TAF3: variants seen among roughly 807,000 people sequenced by gnomAD.
TAF3 encodes the protein TATA-box binding protein associated factor 3.
TAF3 carries 7 observed loss-of-function variants against 80.6 expected under a neutral mutation model. The ratio of observed to expected loss-of-function variants is 0.09; its 90% CI spans 0.05 to 0.16. The LOEUF (loss-of-function observed/expected upper bound fraction) is 0.16. TAF3 is among the 10% of genes least tolerant of loss of function. The probability of loss-of-function intolerance (pLI) is 1.00; values close to 1 mark genes in which losing one functional copy is unlikely to be tolerated. For missense variants in TAF3, 921 were observed against 1,140.2 expected (o/e 0.81, Z 2.77); for synonymous variants, 444 against 446.1 (o/e 1.00, Z 0.06).
At chr10:7,961,568 C>T (rs1838190009) in intron 2 of TAF3, among the ~76,000 whole-genome samples, 1 of 152,114 alleles carries the variant, frequency 6.6e-6, no homozygotes, top group Admixed American at 6.5e-5. Flanking sequence ...TATAGGTATT[C>T]CTCAAAATAC....
rs2131441611 is a variant in TAF3 at position 8,009,555 on chromosome 10, A to C, written c.2568+225A>C. Reference sequence around the variant, plus strand: ...TCCTGGGCCCAAGCGATCCTCCTGCATTAGCTTCTCAAAGTGGTGGGGTTA... The same window carrying C: ...TCCTGGGCCCAAGCGATCCTCCTGCCTTAGCTTCTCAAAGTGGTGGGGTTA... On this transcript the variant is annotated intron_variant, in intron 5 of 6. Coordinates refer to ENST00000344293, the MANE Select transcript of TAF3 (RefSeq NM_031923.4). This position sits in a 1 kb window ranked among gnomAD's most constrained non-coding sequence, Gnocchi z 4.1. Among the ~76,000 whole-genome samples the C allele has an allele frequency of 6.6e-6, 1 of 151,868 alleles. No homozygotes were observed. Among genetic ancestry groups the C allele is most frequent in the South Asian group, 2.1e-4 (1 of 4,806 alleles).
At chr10:7,933,960 C>T (rs186185124) in intron 2 of TAF3, among the ~76,000 whole-genome samples, 52 of 152,250 alleles carry the variant, frequency 3.4e-4, no homozygotes, top group Middle Eastern at 3.4e-3. Context: ...TGGTCGTCAC[C>T]GCCTGCACAC....
At chr10:7,910,607 C>T (rs1316579380) in intron 2 of TAF3, among the ~76,000 whole-genome samples, 2 of 152,178 alleles carry the variant, frequency 1.3e-5, no homozygotes, top group Non-Finnish European at 2.9e-5. Context: ...TCTCCAACTC[C>T]TGACCTCAAA....
Position 7,884,706 on chromosome 10 carries a change from A to G in TAF3, c.409+60146A>G, listed in dbSNP as rs116476268. Among the ~76,000 whole-genome samples the G allele has an allele frequency of 4.7e-3, 710 of 152,208 alleles. 6 individuals carry two copies. The highest frequency in any genetic ancestry group is 0.016 in the African/African-American group (680 of 41,544). ...CCTGGCCTGCCTCCTTTTTTTGAAG[A>G]ATAGAGTCTAGAATCCAGGGCACTA... is the stretch of plus-strand genomic sequence containing the variant. On this transcript the variant is annotated intron_variant, in intron 2 of 6. Transcript: ENST00000344293.
intron 2 of TAF3, among the ~76,000 whole-genome samples, chr10:7,898,113 C>T (rs575588109): frequency 6.6e-6 from 1 of 152,196 alleles, no homozygotes; most frequent in East Asian, 1.9e-4. Flanking sequence ...TCTGTATCAA[C>T]TGGTATGCTT....
intron 3 of TAF3, among the ~76,000 whole-genome samples, chr10:7,970,300 C>T (rs866486782): frequency 1.3e-5 from 2 of 152,220 alleles, no homozygotes; most frequent in African/African-American, 4.8e-5. Context: ...TAGCATCTAC[C>T]ACCTCTTGAG....
intron 4 of TAF3, among the ~76,000 whole-genome samples, chr10:8,001,644 G>T (rs142806406): frequency 6.6e-6 from 1 of 152,048 alleles, no homozygotes; most frequent in Non-Finnish European, 1.5e-5. Context: ...TAGAAATTGT[G>T]TCCTACCCCA....
At chr10:7,951,775 G>A (rs916449247) in intron 2 of TAF3, among the ~76,000 whole-genome samples, 26 of 152,192 alleles carry the variant, frequency 1.7e-4, no homozygotes, top group African/African-American at 6.3e-4. Flanking sequence ...AAGCCAAAGA[G>A]GTAGTACTTT....
At chr10:7,878,536 A>T (rs1232137678) in intron 2 of TAF3, among the ~76,000 whole-genome samples, 1 of 152,160 alleles carries the variant, frequency 6.6e-6, no homozygotes, top group Non-Finnish European at 1.5e-5. Flanking sequence ...ATCAGGCCAC[A>T]CACTTAGGGT....
At chr10:7,852,339 TGTTTTTTGAATTAG>T (rs2131126712) in intron 2 of TAF3, among the ~76,000 whole-genome samples, 1 of 152,382 alleles carries the variant, frequency 6.6e-6, no homozygotes, top group South Asian at 2.1e-4. Flanking sequence ...TATTATGTAC[TGTTTTTTGAATTAG>T]GGTCCAAATA....
intron 2 of TAF3, among the ~76,000 whole-genome samples, chr10:7,929,558 C>T (rs182522649): frequency 7.5e-4 from 114 of 151,960 alleles, no homozygotes; most frequent in Non-Finnish European, 1.0e-3. Context: ...CCACCACACC[C>T]GGCTAATTTT....
At chr10:7,936,307 T>C (rs1296462039) in intron 2 of TAF3, among the ~76,000 whole-genome samples, 1 of 152,170 alleles carries the variant, frequency 6.6e-6, no homozygotes, top group African/African-American at 2.4e-5. Flanking sequence ...CTAGGCATTG[T>C]GGGGTCTGTC....
intron 3 of TAF3, among the ~76,000 whole-genome samples, chr10:7,970,880 A>G (rs1025763452): frequency 1.3e-5 from 2 of 152,206 alleles, no homozygotes; most frequent in African/African-American, 4.8e-5. Context: ...TCTTTTGTTT[A>G]AAGTAATGTA....
intron 2 of TAF3, among the ~76,000 whole-genome samples, chr10:7,848,188 T>C (rs986246796): frequency 2.0e-5 from 3 of 152,266 alleles, no homozygotes; most frequent in Non-Finnish European, 4.4e-5. Context: ...GTACTAGCTA[T>C]TCTTCCTGAT....
intron 2 of TAF3, among the ~76,000 whole-genome samples, chr10:7,861,842 T>G (rs1837151513): frequency 6.6e-6 from 1 of 152,196 alleles, no homozygotes; most frequent in African/African-American, 2.4e-5. Context: ...TGTATTTATG[T>G]CTTTTTCCAA....
intron 2 of TAF3, among the ~76,000 whole-genome samples, chr10:7,855,713 A>G (rs895459894): frequency 6.6e-6 from 1 of 152,202 alleles, no homozygotes; most frequent in Non-Finnish European, 1.5e-5. Context: ...GGAAGAAAAC[A>G]TCTGATATGA....
In TAF3 at chr10:7,964,989, T is replaced by G; in HGVS notation, c.1479T>G (p.Ser493=). 1.9e-6 allele frequency: 3 copies of G among 1,614,032 alleles called. No homozygotes were observed. The highest frequency in any genetic ancestry group is 2.5e-6 in the Non-Finnish European group (3 of 1,180,000). ...SNMPPNFPYI[S]SPSVSPPTPE... ...TGCCCCCCAACTTTCCTTATATCTC[T>G]TCTCCGTCAGTGTCTCCTCCCACTC... The change falls in exon 3 of 7, where the codon TCT becomes TCG. Residue 493 remains serine, a synonymous_variant. Transcript: ENST00000344293. This position sits in a 1 kb window ranked among gnomAD's most constrained non-coding sequence, Gnocchi z 4.1.
At chr10:7,823,119 C>T (rs1420593581) in intron 1 of TAF3, among the ~76,000 whole-genome samples, 1 of 151,858 alleles carries the variant, frequency 6.6e-6, no homozygotes, top group Non-Finnish European at 1.5e-5. Context: ...TCTCAAAAAA[C>T]GAACAAAAAC....
At chr10:7,897,515 C>T (rs1272868301) in intron 2 of TAF3, among the ~76,000 whole-genome samples, 2 of 151,978 alleles carry the variant, frequency 1.3e-5, no homozygotes, top group South Asian at 2.1e-4. Context: ...TGCCTTCATG[C>T]GTGTTTTGTT....
Sources: allele counts gnomAD v4.1 joint callset (sites outside exome capture counted in the v4.1 genomes callset), GRCh38; gene constraint gnomAD v4.1.1; non-coding constraint Gnocchi (gnomAD v3.1); transcripts MANE v1.5; gene names NCBI Gene and HGNC (gene_info 2026-07-23, HGNC 2026-07-21).